Variants in CFAP54 observed in about 807,000 individuals in gnomAD.
CFAP54 encodes the protein cilia- and flagella-associated protein 54.
CFAP54 carries 290 observed loss-of-function variants against 370.4 expected under a neutral mutation model. That is an observed-to-expected ratio of 0.78 (90% CI 0.71 to 0.86). The LOEUF is 0.86. Ranked by LOEUF, CFAP54 falls within the 40% of genes least tolerant of loss-of-function variation. The probability of loss-of-function intolerance (pLI) is 0.00; values close to 1 mark genes in which losing one functional copy is unlikely to be tolerated. For missense variants in CFAP54, 3,399 were observed against 3,528.7 expected (o/e 0.96, Z 0.93); for synonymous variants, 1,206 against 1,236.5 (o/e 0.98, Z 0.52).
intron 4 of CFAP54, among the ~76,000 whole-genome samples, chr12:96,507,966 A>C (rs942949201): frequency 6.6e-6 from 1 of 152,060 alleles, no homozygotes; most frequent in Non-Finnish European, 1.5e-5. Flanking sequence ...TACCTGCGCC[A>C]CCACTGCCAT....
intron 12 of CFAP54, 136 bp from the exon 13 acceptor site, chr12:96,538,248 C>T (rs1955529450): frequency 1.4e-6 from 1 of 730,262 alleles, no homozygotes; most frequent in Non-Finnish European, 2.2e-6. Context: ...TACTAGGACT[C>T]CTCTCATAGG....
chr12:96,748,525 A>T (rs542757166), intron 55 of CFAP54, among the ~76,000 whole-genome samples: 1 of 151,698 alleles, frequency 6.6e-6, no homozygotes, highest in Non-Finnish European at 1.5e-5. Flanking sequence ...CTTTCTTTTT[A>T]AGTGTTTTCC....
chr12:96,827,825 A>G (rs1464546643), intron 65 of CFAP54, among the ~76,000 whole-genome samples: 2 of 112,346 alleles, frequency 1.8e-5, no homozygotes, highest in Non-Finnish European at 3.3e-5. Context: ...TATATTATAT[A>G]TAGTTATATA....
intron 67 of CFAP54, among the ~76,000 whole-genome samples, chr12:96,863,520 C>T (rs1241490800): frequency 6.6e-6 from 1 of 152,200 alleles, no homozygotes; most frequent in African/African-American, 2.4e-5. Flanking sequence ...AATCTGAGCT[C>T]TTCATCGCTA....
intron 1 of CFAP54, among the ~76,000 whole-genome samples, chr12:96,491,761 T>G (rs1166702173): frequency 6.6e-6 from 1 of 152,028 alleles, no homozygotes; most frequent in East Asian, 1.9e-4. Flanking sequence ...TCTATATGCT[T>G]TATTTATTTA....
chr12:96,564,765 G>A lies in CFAP54; in HGVS notation c.2619G>A (p.Met873Ile). 1.7e-6 allele frequency: 1 copy of A among 603,392 alleles called. No homozygotes were observed. The highest frequency in any genetic ancestry group is 2.9e-6 in the Non-Finnish European group (1 of 346,294). 37.4% of individuals were successfully genotyped at this position (603,392 alleles called of 1,614,324 possible). Residue 873 changes from methionine (M) to isoleucine (I), a missense_variant and splice_region_variant, in exon 19 of 68, where the codon ATG (methionine) becomes ATA (isoleucine). Coordinates refer to ENST00000524981, the MANE Select transcript of CFAP54 (RefSeq NM_001306084.2). Reference sequence around the variant, plus strand: ...CTACATCTTCATGGGAACTTTTGATGGTAACAGTATTTCATTTCTTCTTTT... The same window carrying A: ...CTACATCTTCATGGGAACTTTTGATAGTAACAGTATTTCATTTCTTCTTTT... ...ATSTSSWELL[M>I]EAYSLIQRIE...
chr12:96,664,711 A>C (rs375620186), intron 39 of CFAP54, among the ~76,000 whole-genome samples: 1,087 of 10,996 alleles, frequency 0.099, 135 homozygotes, highest in Middle Eastern at 0.14. Flanking sequence ...ATATATATAT[A>C]TATCTATATA....
chr12:96,874,618 TTTATTTTTA>T lies in CFAP54; in HGVS notation c.*15-497_*15-489del, dbSNP rs535905382. On this transcript the variant is annotated intron_variant, in intron 67 of 67. Coordinates refer to ENST00000524981, the MANE Select transcript of CFAP54 (RefSeq NM_001306084.2). ...TTCTGTTTTGGGATCTCTGCTTTTT[TTTATTTTTA>T]TTTTATTTTTTTTTTTTTTTGAGAC... Among the ~76,000 whole-genome samples, 2 of 10,514 alleles carry T rather than the reference TTTATTTTTA, an allele frequency of 1.9e-4. 1 individual carries two copies. The highest frequency in any genetic ancestry group is 3.2e-4 in the Non-Finnish European group (2 of 6,296). The allele number at this position is 10,514 out of a possible 152,430, so 6.9% of individuals were successfully genotyped here.
intron 65 of CFAP54, among the ~76,000 whole-genome samples, chr12:96,820,415 T>C (rs1959019172): frequency 6.6e-6 from 1 of 152,220 alleles, no homozygotes; most frequent in East Asian, 1.9e-4. Context: ...ATTTTTAGTT[T>C]GAATTCATCA....
At chr12:96,648,230 G>A (rs1395747363) in intron 34 of CFAP54, among the ~76,000 whole-genome samples, 1 of 151,930 alleles carries the variant, frequency 6.6e-6, no homozygotes, top group Non-Finnish European at 1.5e-5. Context: ...GCATATATTT[G>A]GAAATATCTA....
chr12:96,734,508 G>A (rs540670172), intron 50 of CFAP54, among the ~76,000 whole-genome samples: 1 of 151,936 alleles, frequency 6.6e-6, no homozygotes, highest in African/African-American at 2.4e-5. Context: ...TTTATGAAAG[G>A]ATCTTATTTA....
rs1359928421 is a variant in CFAP54, at chr12:96,753,018, C to T, written c.7685-725C>T. The stretch of plus-strand genomic sequence containing the variant: ...ATATGAGTAATGCATTTAAGTCCTT[C>T]AGAGGGTGGCTGGAATGTAGGACAC... On this transcript the variant is annotated intron_variant, in intron 55 of 67. Transcript: ENST00000524981. 2.0e-5 allele frequency among the ~76,000 whole-genome samples: 3 copies of T among 152,170 alleles called. No homozygotes were observed. In the East Asian group the frequency reaches 5.8e-4, roughly 29 times the overall value.
intron 49 of CFAP54, 57 bp downstream of exon 49, chr12:96,718,579 G>A: frequency 1.9e-6 from 2 of 1,026,972 alleles, no homozygotes; most frequent in Non-Finnish European, 3.0e-6. Flanking sequence ...CCACTATTAG[G>A]CCCTGGATGG....
chr12:96,668,781 C>G (rs1469776808), intron 39 of CFAP54, among the ~76,000 whole-genome samples: 1 of 152,186 alleles, frequency 6.6e-6, no homozygotes, highest in African/African-American at 2.4e-5. Context: ...TTTCTGGTAT[C>G]AAAAAGCCAT....
At chr12:96,835,167 C>T (rs1402066183) in intron 66 of CFAP54, among the ~76,000 whole-genome samples, 2 of 152,010 alleles carry the variant, frequency 1.3e-5, no homozygotes, top group Non-Finnish European at 2.9e-5. Flanking sequence ...AGCAGGTAGT[C>T]CCAACATCTC....
At chr12:96,699,537 T>C (rs929344183) in intron 45 of CFAP54, among the ~76,000 whole-genome samples, 12 of 152,216 alleles carry the variant, frequency 7.9e-5, no homozygotes, top group Admixed American at 4.6e-4. Context: ...TGTTGATACA[T>C]TGTGGAGTTA....
intron 17 of CFAP54, among the ~76,000 whole-genome samples, chr12:96,555,571 A>G (rs1955743405): frequency 1.3e-5 from 2 of 148,542 alleles, no homozygotes; most frequent in South Asian, 2.1e-4. Flanking sequence ...TACATAATAT[A>G]TAATATGTAA....
At chr12:96,526,442 G>A (rs1382083536) in intron 8 of CFAP54, among the ~76,000 whole-genome samples, 2 of 152,140 alleles carry the variant, frequency 1.3e-5, no homozygotes, top group Non-Finnish European at 1.5e-5. Context: ...ACTAAATACT[G>A]TTTCAAATTT....
chr12:96,825,681 A>G (rs1283140133), intron 65 of CFAP54, among the ~76,000 whole-genome samples: 1 of 122,580 alleles, frequency 8.2e-6, no homozygotes, highest in East Asian at 2.3e-4. Flanking sequence ...TATTATATAT[A>G]ACATATCACG....
Sources: gnomAD v4.1 joint callset for allele counts (sites outside exome capture counted in the v4.1 genomes callset) on GRCh38, gnomAD v4.1.1 for gene constraint, MANE v1.5 for transcripts, NCBI Gene and HGNC (gene_info 2026-07-23, HGNC 2026-07-21) for gene names.